PTPRD: variants seen among roughly 807,000 people sequenced by gnomAD.
PTPRD encodes the protein protein tyrosine phosphatase receptor type D.
Under a neutral mutation model 214.5 loss-of-function variants are expected in PTPRD, and 34 were observed. That is an observed-to-expected ratio of 0.16 (90% CI 0.12 to 0.21). PTPRD has a LOEUF of 0.21. Among genes scored for constraint, PTPRD ranks in the 10% least tolerant of loss-of-function variants. PTPRD has a pLI of 1.00. For synonymous variants in PTPRD, 1,128 were observed against 845.7 expected (o/e 1.33, Z -5.79); for missense variants, 2,545 against 2,398.7 (o/e 1.06, Z -1.27).
chr9:9,601,153 G>GTGTGTGTGTAT (rs200355226), intron 7 of PTPRD, among the ~76,000 whole-genome samples: 2 of 94,026 alleles, frequency 2.1e-5, no homozygotes, highest in African/African-American at 7.6e-5. Context: ...GTGTGTGTAT[G>GTGTGTGTGTAT]GGGGGGGGAG....
intron 3 of PTPRD, among the ~76,000 whole-genome samples, chr9:10,196,010 G>A (rs929314324): frequency 6.6e-6 from 1 of 152,076 alleles, no homozygotes; most frequent in African/African-American, 2.4e-5. Flanking sequence ...GTGGAGGAGG[G>A]GGATTGACTA....
At chr9:9,806,696 G>T (rs866364406) in intron 5 of PTPRD, among the ~76,000 whole-genome samples, 1 of 152,176 alleles carries the variant, frequency 6.6e-6, no homozygotes, top group East Asian at 1.9e-4. Flanking sequence ...CTGCTCAGGC[G>T]GTCTCTTATA....
intron 11 of PTPRD, among the ~76,000 whole-genome samples, chr9:8,897,006 T>C (rs1329838286): frequency 6.6e-6 from 1 of 152,150 alleles, no homozygotes; most frequent in Non-Finnish European, 1.5e-5. Context: ...AAAAACAAAT[T>C]AAAGGCTTTT....
At chr9:9,040,238 T>C (rs1026067681) in intron 10 of PTPRD, among the ~76,000 whole-genome samples, 11 of 152,200 alleles carry the variant, frequency 7.2e-5, no homozygotes, top group African/African-American at 2.6e-4. Flanking sequence ...GTTAGCAAAA[T>C]CAGGATTTGA....
At chr9:10,555,065 A>C (rs2062202177) in intron 2 of PTPRD, among the ~76,000 whole-genome samples, 1 of 152,210 alleles carries the variant, frequency 6.6e-6, no homozygotes, top group South Asian at 2.1e-4. Flanking sequence ...AATTGTTATA[A>C]TTTATTTGAC....
At chr9:8,321,447 T>C (rs562563523) in intron 44 of PTPRD, among the ~76,000 whole-genome samples, 213 of 141,222 alleles carry the variant, frequency 1.5e-3, no homozygotes, top group African/African-American at 5.0e-3. Context: ...AGAGGAAATA[T>C]ATAGAAGTCT....
intron 11 of PTPRD, among the ~76,000 whole-genome samples, chr9:8,764,651 C>G (rs4742536): frequency 0.51 from 77,211 of 151,526 alleles, 20,116 homozygotes; most frequent in South Asian, 0.59. Flanking sequence ...GAAAATTAAC[C>G]GGGTATAGTG....
At chr9:8,689,917 A>G (rs2097768411) in intron 12 of PTPRD, among the ~76,000 whole-genome samples, 1 of 152,006 alleles carries the variant, frequency 6.6e-6, no homozygotes, top group African/African-American at 2.4e-5. Context: ...AGACCAGCCT[A>G]GCCAACATGA....
intron 11 of PTPRD, among the ~76,000 whole-genome samples, chr9:8,845,324 T>C (rs1285718213): frequency 2.0e-5 from 3 of 152,188 alleles, no homozygotes; most frequent in Non-Finnish European, 4.4e-5. Context: ...GTCAGTGTCC[T>C]ATAAAGAAAA....
At chr9:10,132,395 A>C (rs528472933) in intron 3 of PTPRD, among the ~76,000 whole-genome samples, 2 of 152,332 alleles carry the variant, frequency 1.3e-5, no homozygotes, top group South Asian at 4.1e-4. Flanking sequence ...CACTCTCTTG[A>C]AAATAATTAT....
chr9:9,412,332 G>C (rs2075714425), intron 8 of PTPRD, among the ~76,000 whole-genome samples: 1 of 152,044 alleles, frequency 6.6e-6, no homozygotes, highest in Non-Finnish European at 1.5e-5. Context: ...AAACACCCAT[G>C]CCTACTGAAA....
intron 37 of PTPRD, among the ~76,000 whole-genome samples, chr9:8,378,433 A>T (rs2083911191): frequency 1.1e-5 from 1 of 89,214 alleles, no homozygotes. Context: ...AGAAAAAAAA[A>T]ATTAACAAAA....
chr9:9,148,672 C>G (rs1169822094), intron 10 of PTPRD, among the ~76,000 whole-genome samples: 1 of 152,162 alleles, frequency 6.6e-6, no homozygotes, highest in Admixed American at 6.5e-5. Flanking sequence ...GAATAATCCA[C>G]TCTAAGTGAA....
intron 4 of PTPRD, among the ~76,000 whole-genome samples, chr9:9,996,531 T>C: frequency 6.6e-6 from 1 of 152,052 alleles, no homozygotes; most frequent in East Asian, 1.9e-4. Context: ...GACCTGAGGG[T>C]CCCTAATCTC....
chr9:9,062,091 C>G (rs545277086), intron 10 of PTPRD, among the ~76,000 whole-genome samples: 66 of 152,288 alleles, frequency 4.3e-4, no homozygotes, highest in African/African-American at 1.3e-3. Context: ...GCTCTCATCC[C>G]CTCATTTTAT....
chr9:9,941,045 T>A (rs1239208619), intron 4 of PTPRD, among the ~76,000 whole-genome samples: 2 of 152,092 alleles, frequency 1.3e-5, no homozygotes, highest in African/African-American at 4.8e-5. Context: ...TAAGATACAC[T>A]AACACTAATG....
intron 5 of PTPRD, among the ~76,000 whole-genome samples, chr9:9,846,888 G>A (rs933326489): frequency 1.3e-5 from 2 of 152,038 alleles, no homozygotes; most frequent in African/African-American, 4.8e-5. Flanking sequence ...AAAGAGAGTA[G>A]GGGATTATGA....
chr9:9,293,651 T>C (rs1332771072), intron 9 of PTPRD, among the ~76,000 whole-genome samples: 1 of 151,504 alleles, frequency 6.6e-6, no homozygotes, highest in Non-Finnish European at 1.5e-5. Flanking sequence ...CCCTTATCCT[T>C]CTTCAGGGAT....
At chr9:9,718,505 G>C (rs1287804805) in intron 7 of PTPRD, among the ~76,000 whole-genome samples, 1 of 152,174 alleles carries the variant, frequency 6.6e-6, no homozygotes, top group African/African-American at 2.4e-5. Context: ...CCTGCTCCCA[G>C]GCACAGCTGC....
Sources: gnomAD v4.1 joint callset for allele counts (sites outside exome capture counted in the v4.1 genomes callset) on GRCh38, gnomAD v4.1.1 for gene constraint, MANE v1.5 for transcripts, NCBI Gene and HGNC (gene_info 2026-07-23, HGNC 2026-07-21) for gene names.